Variants in OPRM1 observed in about 807,000 individuals in gnomAD.
OPRM1 encodes mu-type opioid receptor.
OPRM1 carries 27 observed loss-of-function variants against 31.8 expected under a neutral mutation model. The ratio of observed to expected loss-of-function variants is 0.85; its 90% CI spans 0.63 to 1.17. OPRM1 has a LOEUF of 1.17. Among genes scored for constraint, OPRM1 ranks in the 50% most tolerant of loss-of-function variants. The pLI is 0.00. For synonymous variants in OPRM1, 196 were observed against 189.9 expected, an observed-to-expected ratio of 1.03 and a Z score of -0.26; for missense variants, 536 against 511.1, an observed-to-expected ratio of 1.05 and a Z score of -0.47.
Position 154,118,802 on chromosome 6 carries a change from G to A in OPRM1, c.*81G>A, listed in dbSNP as rs2128525076. The A allele has an allele frequency of 6.3e-7, 1 of 1,588,368 alleles. No homozygotes were observed. Among genetic ancestry groups the A allele is most frequent in the Non-Finnish European group, 8.5e-7 (1 of 1,171,218 alleles). On this transcript the variant is annotated 3_prime_UTR_variant, in exon 4 of 4. Coordinates refer to ENST00000330432, the MANE Select transcript of OPRM1 (RefSeq NM_000914.5). ...AAGCAGGTTGCTTCAAGAATGTGTA[G>A]GAGGCTCTAATTCTCTAGGAAAGTG...
At chr6:154,103,068 T>G (rs1795097469) in intron 3 of OPRM1, among the ~76,000 whole-genome samples, 1 of 152,000 alleles carries the variant, frequency 6.6e-6, no homozygotes, top group South Asian at 2.1e-4. Context: ...CCAATAAAGA[T>G]GAAGATATTG....
chr6:154,214,404 A>G (rs1393118559), intron 3 of OPRM1: 11 of 752,090 alleles, frequency 1.5e-5, no homozygotes, highest in East Asian at 1.0e-4. Context: ...CAGAAAGAGC[A>G]TAAGTTTGTG....
intron 1 of OPRM1, among the ~76,000 whole-genome samples, chr6:154,044,281 T>C (rs1410954337): frequency 2.6e-5 from 4 of 152,120 alleles, no homozygotes; most frequent in African/African-American, 9.7e-5. Flanking sequence ...CATATATATA[T>C]AGTAAACATA....
chr6:154,139,131 T>C (rs1156900233), intron 3 of OPRM1, among the ~76,000 whole-genome samples: 3 of 152,214 alleles, frequency 2.0e-5, no homozygotes, highest in Non-Finnish European at 4.4e-5. Context: ...CTCTGACCTC[T>C]GGCTTGGCCA....
chr6:154,016,775 C>T (rs777722105), intron 1 of OPRM1, among the ~76,000 whole-genome samples: 6 of 152,268 alleles, frequency 3.9e-5, no homozygotes, highest in East Asian at 1.9e-4. Flanking sequence ...AAAACACATA[C>T]GTGTGGACTG....
At chr6:154,209,823 G>GA (rs968176404) in intron 3 of OPRM1, among the ~76,000 whole-genome samples, 3 of 151,832 alleles carry the variant, frequency 2.0e-5, no homozygotes, top group Middle Eastern at 3.4e-3. Context: ...TTCTAAGGGG[G>GA]AAAAAAAATC....
chr6:154,057,839 G>C (rs1034193139), intron 1 of OPRM1, among the ~76,000 whole-genome samples: 5 of 152,088 alleles, frequency 3.3e-5, no homozygotes, highest in Non-Finnish European at 5.9e-5. Context: ...CCTGTCACAC[G>C]AAGACAGGCA....
intron 1 of OPRM1, among the ~76,000 whole-genome samples, chr6:154,058,081 A>G (rs1783677576): frequency 6.6e-6 from 1 of 152,250 alleles, no homozygotes. Context: ...CTTAAAACAT[A>G]TAAAGCACAC....
At chr6:154,105,996 A>T (rs1298747151) in intron 3 of OPRM1, among the ~76,000 whole-genome samples, 1 of 152,180 alleles carries the variant, frequency 6.6e-6, no homozygotes, top group Non-Finnish European at 1.5e-5. Context: ...GGAAAAAGCT[A>T]TTGTGATTTA....
upstream of OPRM1, among the ~76,000 whole-genome samples, chr6:154,037,508 A>G (rs1462893025): frequency 6.6e-6 from 1 of 152,126 alleles, no homozygotes; most frequent in Non-Finnish European, 1.5e-5. Context: ...CAGAGCAGAT[A>G]GACAAACTAT....
At chr6:154,145,708 G>A (rs1798342343) in intron 3 of OPRM1, among the ~76,000 whole-genome samples, 1 of 152,250 alleles carries the variant, frequency 6.6e-6, no homozygotes, top group South Asian at 2.1e-4. Context: ...TTGGGAGGAA[G>A]CAGCAGTCTG....
At chr6:154,136,170 G>T (rs1000664932), downstream of OPRM1, among the ~76,000 whole-genome samples, 3 of 152,086 alleles carry the variant, frequency 2.0e-5, no homozygotes, top group African/African-American at 7.2e-5. Context: ...CATCATAAAG[G>T]CAAAAGAAGC....
chr6:154,163,785 A>C (rs1365071916), intron 3 of OPRM1, among the ~76,000 whole-genome samples: 1 of 152,232 alleles, frequency 6.6e-6, no homozygotes, highest in Non-Finnish European at 1.5e-5. Flanking sequence ...CCTTTCCATT[A>C]AACAAAAAAA....
chr6:154,072,781 T>G (rs1787069751), intron 1 of OPRM1, among the ~76,000 whole-genome samples: 1 of 152,192 alleles, frequency 6.6e-6, no homozygotes, highest in Non-Finnish European at 1.5e-5. Context: ...TACTGATAAA[T>G]ATCTTTATGA....
rs549200886 is a variant in OPRM1, at chr6:154,060,893, A to G, written c.290+21059A>G. On this transcript the variant is annotated intron_variant, in intron 1 of 3. Transcript: ENST00000330432. ...AAATTTCTAGCCTCTACTCTGCACCAATTATTTCACAAATATTTAAAAGTA... is the reference window on the plus strand; with the variant it reads ...AAATTTCTAGCCTCTACTCTGCACCGATTATTTCACAAATATTTAAAAGTA... Among the ~76,000 whole-genome samples, 14 of 152,340 alleles carry G rather than the reference A, an allele frequency of 9.2e-5. No individual in the cohort carries two copies. In the East Asian group the frequency reaches 1.7e-3, roughly 19 times the overall value.
chr6:154,120,628 A>G lies in OPRM1; in HGVS notation c.*1907A>G, dbSNP rs964253954. On this transcript the variant is annotated 3_prime_UTR_variant, in exon 4 of 4. Transcript: ENST00000330432. The stretch of plus-strand genomic sequence containing the variant: ...CTTCCAAAAGTAAAATGGATAATTC[A>G]AACAGAACACAATGTAATATTTGTA... 6.6e-6 allele frequency among the ~76,000 whole-genome samples: 1 copy of G among 152,212 alleles called. No individual in the cohort carries two copies. Among genetic ancestry groups the G allele is most frequent in the Non-Finnish European group, 1.5e-5 (1 of 68,038 alleles).
At chr6:154,223,085 T>G in intron 3 of OPRM1, 1 of 1,098,488 alleles carries the variant, frequency 9.1e-7, no homozygotes, top group East Asian at 2.4e-5. Context: ...CTTCACTCAC[T>G]TCTAAATCAC....
chr6:154,016,384 T>A (rs1344561279), intron 1 of OPRM1, among the ~76,000 whole-genome samples: 1 of 152,186 alleles, frequency 6.6e-6, no homozygotes, highest in African/African-American at 2.4e-5. Flanking sequence ...AGGGAGGAGA[T>A]AAAATTGTGT....
At chr6:154,100,762 C>G (rs1366918385) in intron 3 of OPRM1, among the ~76,000 whole-genome samples, 7 of 151,378 alleles carry the variant, frequency 4.6e-5, no homozygotes, top group Admixed American at 4.6e-4. Flanking sequence ...CACCAGAAAT[C>G]CCAAGAATAC....
Sources: allele counts gnomAD v4.1 joint callset (sites outside exome capture counted in the v4.1 genomes callset), GRCh38; gene constraint gnomAD v4.1.1; transcripts MANE v1.5; gene names NCBI Gene and HGNC (gene_info 2026-07-23, HGNC 2026-07-21).